The following RBFOX2 variants were observed in gnomAD, a reference collection of about 807,000 sequenced individuals.
RBFOX2 encodes the protein RNA binding fox-1 homolog 2.
In RBFOX2, 10 loss-of-function variants were observed where a neutral mutation model predicts 49.1. That is an observed-to-expected ratio of 0.20 (90% CI 0.13 to 0.35). The LOEUF (loss-of-function observed/expected upper bound fraction) is 0.35, where lower values mean the gene tolerates loss of function less well. RBFOX2 is among the 10% of genes least tolerant of loss of function. The probability of loss-of-function intolerance (pLI) is 1.00; values close to 1 mark genes in which losing one functional copy is unlikely to be tolerated. For missense variants in RBFOX2, 323 were observed against 486.9 expected, an observed-to-expected ratio of 0.66 and a Z score of 3.17; for synonymous variants, 183 against 187.4, an observed-to-expected ratio of 0.98 and a Z score of 0.19.
chr22:35,765,226 C>T (rs1174509846), intron 6 of RBFOX2, among the ~76,000 whole-genome samples, 197 bp downstream of exon 7: 2 of 150,946 alleles, frequency 1.3e-5, no homozygotes, highest in African/African-American at 2.4e-5. Context: ...GAACATAACA[C>T]CTTAATAACT....
At chr22:35,902,886 G>A (rs1410409718) in intron 1 of RBFOX2, among the ~76,000 whole-genome samples, 2 of 151,616 alleles carry the variant, frequency 1.3e-5, no homozygotes, top group Non-Finnish European at 2.9e-5. Context: ...GAATTCCTGG[G>A]TTCAAGCAAT....
chr22:35,958,789 C>T (rs532636716), intron 1 of RBFOX2, among the ~76,000 whole-genome samples: 1 of 152,178 alleles, frequency 6.6e-6, no homozygotes, highest in Non-Finnish European at 1.5e-5. Context: ...TTTTTTTAAA[C>T]AAATGGTCAA....
chr22:35,830,616 T>C (rs908658225), intron 1 of RBFOX2, among the ~76,000 whole-genome samples: 1 of 152,192 alleles, frequency 6.6e-6, no homozygotes, highest in Non-Finnish European at 1.5e-5. Flanking sequence ...TTGTACAGCA[T>C]GTGACTATAC....
chr22:35,826,985 T>A (rs1432007904), intron 1 of RBFOX2, among the ~76,000 whole-genome samples: 2 of 152,222 alleles, frequency 1.3e-5, no homozygotes, highest in African/African-American at 4.8e-5. Context: ...GGGATTACTT[T>A]ACTTAGATAA....
At chr22:35,987,487 T>C (rs2057772507) in intron 1 of RBFOX2, among the ~76,000 whole-genome samples, 1 of 152,212 alleles carries the variant, frequency 6.6e-6, no homozygotes, top group Non-Finnish European at 1.5e-5. Flanking sequence ...CTTTTCAAAA[T>C]TCAAATGGCT....
intron 1 of RBFOX2, among the ~76,000 whole-genome samples, chr22:35,812,995 C>T (rs931675681): frequency 3.9e-5 from 6 of 152,136 alleles, no homozygotes; most frequent in East Asian, 1.9e-4. Flanking sequence ...AGGCACTAGG[C>T]GTTTTACAGA....
At chr22:35,843,377 T>C (rs772684180), upstream of RBFOX2, among the ~76,000 whole-genome samples, 1 of 152,134 alleles carries the variant, frequency 6.6e-6, no homozygotes, top group African/African-American at 2.4e-5. Flanking sequence ...ACGTGGTAAG[T>C]ACTCAAGAAA....
chr22:35,914,777 G>A (rs1453721270), intron 1 of RBFOX2, among the ~76,000 whole-genome samples: 4 of 152,136 alleles, frequency 2.6e-5, no homozygotes, highest in African/African-American at 9.7e-5. Context: ...CGATCCCCGG[G>A]GGTAAACAAC....
intron 1 of RBFOX2, among the ~76,000 whole-genome samples, chr22:35,935,051 C>T (rs2052896394): frequency 6.6e-6 from 1 of 152,192 alleles, no homozygotes; most frequent in Admixed American, 6.5e-5. Context: ...CCTCCCACCT[C>T]AGCCTCCCGA....
At chr22:35,971,127 G>A (rs578128587) in intron 1 of RBFOX2, among the ~76,000 whole-genome samples, 9 of 152,160 alleles carry the variant, frequency 5.9e-5, no homozygotes, top group South Asian at 4.2e-4. Context: ...GCAGTAGGTG[G>A]GAAAACGGCC....
At chr22:35,880,549 G>A (rs1470810759) in intron 1 of RBFOX2, among the ~76,000 whole-genome samples, 1 of 152,084 alleles carries the variant, frequency 6.6e-6, no homozygotes, top group Admixed American at 6.5e-5. Flanking sequence ...AGAGTCCACT[G>A]GGCCCAACTT....
intron 1 of RBFOX2, among the ~76,000 whole-genome samples, chr22:35,831,857 T>G (rs1956863604): frequency 6.6e-6 from 1 of 152,208 alleles, no homozygotes; most frequent in African/African-American, 2.4e-5. Flanking sequence ...CATAAAATAA[T>G]TATTGACTTC....
chr22:35,966,018 C>T (rs2056539268), upstream of RBFOX2, among the ~76,000 whole-genome samples: 1 of 152,146 alleles, frequency 6.6e-6, no homozygotes, highest in South Asian at 2.1e-4. Flanking sequence ...ACCAGCACTA[C>T]AGAAGCCCAT....
At chr22:35,954,872 T>C (rs980145388) in intron 1 of RBFOX2, among the ~76,000 whole-genome samples, 1 of 152,198 alleles carries the variant, frequency 6.6e-6, no homozygotes, top group African/African-American at 2.4e-5. Context: ...CCAGTGTACA[T>C]GGTTGATAAT....
intron 2 of RBFOX2, among the ~76,000 whole-genome samples, chr22:35,808,695 A>T (rs985292042): frequency 6.6e-6 from 1 of 152,050 alleles, no homozygotes; most frequent in South Asian, 2.1e-4. Context: ...AAAAAAAATT[A>T]AAAAATGAGC....
At chr22:35,930,656 C>T (rs1435642927) in intron 1 of RBFOX2, among the ~76,000 whole-genome samples, 3 of 151,646 alleles carry the variant, frequency 2.0e-5, no homozygotes, top group African/African-American at 7.3e-5. Flanking sequence ...ACAGAGGAAC[C>T]CCATCTCTAC....
intron 9 of RBFOX2, among the ~76,000 whole-genome samples, chr22:35,752,940 C>A (rs1197498159): frequency 6.6e-6 from 1 of 152,116 alleles, no homozygotes; most frequent in African/African-American, 2.4e-5. Flanking sequence ...AAACTAGGAA[C>A]AGAATTGCTA....
At chr22:35,949,099 GCACTT>G (rs2054628161) in intron 1 of RBFOX2, among the ~76,000 whole-genome samples, 1 of 152,174 alleles carries the variant, frequency 6.6e-6, no homozygotes, top group Admixed American at 6.6e-5. Flanking sequence ...TCAGCTCACT[GCACTT>G]ATCTCACTTA....
intron 1 of RBFOX2, among the ~76,000 whole-genome samples, chr22:35,860,946 T>C (rs1373098706): frequency 1.3e-5 from 2 of 152,228 alleles, no homozygotes; most frequent in African/African-American, 4.8e-5. Context: ...TCATTTCTTC[T>C]GAAGTCTGCT....
Sources: gnomAD v4.1 joint callset for allele counts (sites outside exome capture counted in the v4.1 genomes callset) on GRCh38, gnomAD v4.1.1 for gene constraint, MANE v1.5 for transcripts, NCBI Gene and HGNC (gene_info 2026-07-23, HGNC 2026-07-21) for gene names.